The following RARB variants were observed in gnomAD, a reference collection of about 807,000 sequenced individuals.
RARB encodes the protein HBV-activated protein.
RARB carries 17 observed loss-of-function variants against 51.9 expected under a neutral mutation model. The observed-to-expected ratio is 0.33, with a 90% CI of 0.22 to 0.49. RARB has a LOEUF of 0.49. RARB is among the 20% of genes least tolerant of loss of function. The pLI is 0.99. For missense variants in RARB, 369 were observed against 550.8 expected (o/e 0.67, Z 3.30); for synonymous variants, 215 against 195.4 (o/e 1.10, Z -0.84).
chr3:25,194,839 G>T (rs1018856003), intron 5 of RARB, among the ~76,000 whole-genome samples: 1 of 151,890 alleles, frequency 6.6e-6, no homozygotes, highest in Admixed American at 6.6e-5. Flanking sequence ...AAGTTTCTAT[G>T]ATGGCCGCTC....
chr3:25,102,046 T>G (rs1205819637), intron 3 of RARB, among the ~76,000 whole-genome samples: 1 of 152,196 alleles, frequency 6.6e-6, no homozygotes, highest in Non-Finnish European at 1.5e-5. Context: ...TCCAGATTTA[T>G]GAACAAATTT....
chr3:24,959,224 T>C (rs1696086900), intron 2 of RARB, among the ~76,000 whole-genome samples: 1 of 152,294 alleles, frequency 6.6e-6, no homozygotes, highest in Middle Eastern at 3.4e-3. Flanking sequence ...CTTTAGCATC[T>C]GCACATGTAG....
chr3:24,834,291 C>T (rs544831836), intron 1 of RARB, among the ~76,000 whole-genome samples: 116 of 152,234 alleles, frequency 7.6e-4, no homozygotes, highest in Non-Finnish European at 1.4e-3. Context: ...TTAATTTCTA[C>T]CACTAAAAAA....
chr3:24,957,725 G>A (rs1291387686), intron 2 of RARB, among the ~76,000 whole-genome samples: 1 of 152,160 alleles, frequency 6.6e-6, no homozygotes, highest in African/African-American at 2.4e-5. Context: ...CCTCAACTGT[G>A]TTCAACCAGC....
Position 24,946,355 on chromosome 3 carries a change from C to A in RARB, c.-380+87603C>A, listed in dbSNP as rs186824207. On this transcript the variant is annotated intron_variant, in intron 2 of 11. Transcript: ENST00000383772. ...CAGAGTTGAGTTAATTTTTTTGAAA[C>A]CCGAGCCAGTTCAGAGTGATAATTT... Among the ~76,000 whole-genome samples the A allele has an allele frequency of 2.6e-4, 28 of 105,988 alleles. 1 individual carries two copies. The highest frequency in any genetic ancestry group is 1.1e-3 in the Admixed American group (13 of 11,656). 69.5% of individuals were successfully genotyped at this position (105,988 alleles called of 152,430 possible).
intron 2 of RARB, among the ~76,000 whole-genome samples, chr3:24,866,102 T>C (rs988959804): frequency 1.3e-5 from 2 of 152,120 alleles, no homozygotes; most frequent in Non-Finnish European, 2.9e-5. Context: ...ATCTGAGGAA[T>C]GCTGGCCCCA....
intron 2 of RARB, among the ~76,000 whole-genome samples, chr3:24,987,964 C>T (rs1006698258): frequency 2.5e-5 from 1 of 40,508 alleles, no homozygotes; most frequent in Non-Finnish European, 5.1e-5. Context: ...ACCTTTCATT[C>T]CATTTTTTTT....
At chr3:25,287,641 A>G (rs1007468186) in intron 5 of RARB, among the ~76,000 whole-genome samples, 11 of 152,210 alleles carry the variant, frequency 7.2e-5, no homozygotes, top group Non-Finnish European at 1.3e-4. Flanking sequence ...ATGGGTTTCA[A>G]AGAATTTAAG....
Position 25,569,967 on chromosome 3 carries a change from C to T in RARB, c.609+49C>T, listed in dbSNP as rs780919447. The T allele has an allele frequency of 1.5e-5, 23 of 1,492,134 alleles. No individual in the cohort carries two copies. In the Admixed American group the frequency reaches 1.9e-4, roughly 13 times the overall value. 92.4% of individuals were successfully genotyped at this position (1,492,134 alleles called of 1,614,324 possible). ...CTGCTGGGAGTGTGGAAACCTTGTACGTGCATGTGTGCAGACACACACACA... is the reference window on the plus strand; with the variant it reads ...CTGCTGGGAGTGTGGAAACCTTGTATGTGCATGTGTGCAGACACACACACA... On this transcript the variant is annotated intron_variant, in intron 4 of 7. Transcript: ENST00000330688.
At chr3:25,178,545 G>A (rs1234006585) in intron 5 of RARB, among the ~76,000 whole-genome samples, 3 of 151,154 alleles carry the variant, frequency 2.0e-5, no homozygotes, top group East Asian at 2.0e-4. Context: ...ACCCCAGAGC[G>A]CATGCCTTTC....
chr3:25,127,191 TCG>T (rs1412741709), intron 3 of RARB, among the ~76,000 whole-genome samples: 6 of 152,076 alleles, frequency 3.9e-5, no homozygotes. Context: ...CAATAGCTTC[TCG>T]TTTTCATAGA....
intron 5 of RARB, among the ~76,000 whole-genome samples, chr3:25,396,485 G>T (rs1028132324): frequency 2.0e-5 from 3 of 152,226 alleles, no homozygotes; most frequent in Non-Finnish European, 4.4e-5. Context: ...CCTCCAGCCA[G>T]TTGGTGGCAC....
At chr3:24,861,164 C>T (rs12495571) in intron 2 of RARB, among the ~76,000 whole-genome samples, 26,204 of 152,052 alleles carry the variant, frequency 0.17, 2,913 homozygotes, top group South Asian at 0.29. Context: ...TAGGCTTTTC[C>T]GGTCATTATT....
chr3:24,922,052 G>T (rs986052307), intron 2 of RARB, among the ~76,000 whole-genome samples: 1 of 152,142 alleles, frequency 6.6e-6, no homozygotes, highest in Admixed American at 6.5e-5. Flanking sequence ...GCTAAGGCAA[G>T]TTTATTTTGC....
chr3:24,975,905 G>A (rs533492383), intron 2 of RARB, among the ~76,000 whole-genome samples: 7 of 152,214 alleles, frequency 4.6e-5, no homozygotes, highest in East Asian at 1.9e-4. Context: ...TTCTCCCAGC[G>A]CTATCCCTGC....
chr3:25,302,938 A>C (rs1027336381), intron 5 of RARB, among the ~76,000 whole-genome samples: 1 of 152,192 alleles, frequency 6.6e-6, no homozygotes, highest in African/African-American at 2.4e-5. Flanking sequence ...AAAGGGAGAT[A>C]AATTGCTTCT....
chr3:25,141,374 A>G (rs903111431), intron 4 of RARB, among the ~76,000 whole-genome samples: 2 of 151,994 alleles, frequency 1.3e-5, no homozygotes, highest in Admixed American at 1.3e-4. Context: ...GCTTAACTCT[A>G]TGTCTTCAGT....
In RARB at chr3:24,915,316, T is replaced by A. The variant is rs960669309; in HGVS notation, c.-380+56564T>A. On this transcript the variant is annotated intron_variant, in intron 2 of 11. Transcript: ENST00000383772. ...GACCTAGGTAAAACTAATTTTAATT[T>A]AACTTCATATATTTGAAATATTTTA... is the stretch of plus-strand genomic sequence containing the variant. 3.9e-4 allele frequency among the ~76,000 whole-genome samples: 60 copies of A among 152,364 alleles called. 1 individual carries two copies. Among genetic ancestry groups the A allele is most frequent in the African/African-American group, 1.4e-3 (59 of 41,582 alleles).
intron 5 of RARB, among the ~76,000 whole-genome samples, chr3:25,392,184 A>G (rs1475814815): frequency 1.3e-5 from 2 of 152,174 alleles, no homozygotes; most frequent in Non-Finnish European, 2.9e-5. Flanking sequence ...GCTTTGTCAA[A>G]GATCAATTGG....
Sources: gnomAD v4.1 joint callset for allele counts (sites outside exome capture counted in the v4.1 genomes callset) on GRCh38, gnomAD v4.1.1 for gene constraint, MANE v1.5 for transcripts, NCBI Gene and HGNC (gene_info 2026-07-23, HGNC 2026-07-21) for gene names.